Variants in SMLR1 observed in about 807,000 individuals in gnomAD.
SMLR1 encodes small leucine rich protein 1.
SMLR1 carries 3 observed loss-of-function variants against 6.1 expected under a neutral mutation model. The ratio of observed to expected loss-of-function variants is 0.49; its 90% CI spans 0.22 to 1.28. The LOEUF is 1.28. Among genes scored for constraint, SMLR1 ranks in the 50% most tolerant of loss-of-function variants. SMLR1 has a pLI of 0.19. For synonymous variants in SMLR1, 55 were observed against 53.6 expected, an observed-to-expected ratio of 1.03 and a Z score of -0.11; for missense variants, 126 against 124.8, an observed-to-expected ratio of 1.01 and a Z score of -0.05.
chr6:130,831,308 T>C (rs553362749), intron 1 of SMLR1, among the ~76,000 whole-genome samples: 1 of 152,296 alleles, frequency 6.6e-6, no homozygotes, highest in South Asian at 2.1e-4. Flanking sequence ...TTCGGTTGTA[T>C]TTCCCTCCTC....
intron 1 of SMLR1, among the ~76,000 whole-genome samples, chr6:130,830,600 G>C (rs1357625326): frequency 2.0e-5 from 3 of 152,202 alleles, no homozygotes; most frequent in Admixed American, 1.3e-4. Context: ...ATAGGGGCTA[G>C]GTAAAATGAG....
intron 1 of SMLR1, among the ~76,000 whole-genome samples, chr6:130,832,172 T>C (rs2128384651): frequency 6.6e-6 from 1 of 152,184 alleles, no homozygotes; most frequent in East Asian, 1.9e-4. Context: ...TTCCCAAACC[T>C]TTACTTCCAG....
rs765555938 is a variant in SMLR1 at position 130,837,095 on chromosome 6, A to G, written c.*2140A>G. 4.6e-5 allele frequency: 7 copies of G among 152,192 alleles called. No individual in the cohort carries two copies. Among genetic ancestry groups the G allele is most frequent in the Non-Finnish European group, 8.8e-5 (6 of 68,020 alleles). The allele number at this position is 152,192 out of a possible 1,614,324, so 9.4% of individuals were successfully genotyped here. Reference sequence around the variant, plus strand: ...TCACCAATAGGGATAATGTTTCTCCAACTGGAGACCTTCAATAAAACACTT... The same window carrying G: ...TCACCAATAGGGATAATGTTTCTCCGACTGGAGACCTTCAATAAAACACTT... On this transcript the variant is annotated 3_prime_UTR_variant, in exon 2 of 2. Transcript: ENST00000541421.
In SMLR1 at chr6:130,834,973, T is replaced by C. The variant is rs991190897; in HGVS notation, c.*18T>C. ...GGACGTGAAGTTGGGGACTTTCCAA[T>C]AACTAAAGCACAATGAGTTTCTACT... On this transcript the variant is annotated 3_prime_UTR_variant, in exon 2 of 2. Transcript: ENST00000541421. 63 of 1,527,752 alleles carry C rather than the reference T, an allele frequency of 4.1e-5. No homozygotes were observed. Among genetic ancestry groups the C allele is most frequent in the Non-Finnish European group, 4.7e-5 (53 of 1,139,710 alleles). 94.6% of individuals were successfully genotyped at this position (1,527,752 alleles called of 1,614,324 possible). A position where few individuals can be genotyped will look rare whatever the true frequency, so the allele number is the denominator to read the frequency against.
chr6:130,827,795 T>A, intron 1 of SMLR1, 144 bp downstream of exon 1: 2 of 675,908 alleles, frequency 3.0e-6, no homozygotes, highest in Non-Finnish European at 4.9e-6. Context: ...CAGTGTTCTC[T>A]CAAGTTCCTT....
At chr6:130,831,741 T>C (rs531157686) in intron 1 of SMLR1, among the ~76,000 whole-genome samples, 1 of 152,334 alleles carries the variant, frequency 6.6e-6, no homozygotes, top group African/African-American at 2.4e-5. Context: ...GGGACATTGA[T>C]AGATTAACTG....
chr6:130,827,549 A>G lies in SMLR1; in HGVS notation c.136A>G (p.Met46Val), dbSNP rs1234609384. Reference sequence around the variant, plus strand: ...AATGAGCTCTGTGCTGTCAGCTTTCATGAGGGAGCTCCCTGGCTGGTTCCT... The same window carrying G: ...AATGAGCTCTGTGCTGTCAGCTTTCGTGAGGGAGCTCCCTGGCTGGTTCCT... ...LAMSSVLSAF[M>V]RELPGWFLFF... Residue 46 changes from methionine to valine, a missense_variant, in exon 1 of 2, where the codon ATG becomes GTG. By Grantham distance (21) the Met-to-Val change is conservative. Transcript: ENST00000541421. 7.2e-6 allele frequency: 11 copies of G among 1,535,844 alleles called. No individual in the cohort carries two copies. The highest frequency in any genetic ancestry group is 1.2e-5 in the South Asian group (1 of 84,062).
chr6:130,830,458 G>A (rs1443927088), intron 1 of SMLR1, among the ~76,000 whole-genome samples: 1 of 152,092 alleles, frequency 6.6e-6, no homozygotes, highest in Non-Finnish European at 1.5e-5. Context: ...GTTACTTAAC[G>A]CAATGGGGGT....
intron 1 of SMLR1, among the ~76,000 whole-genome samples, chr6:130,830,766 G>A (rs1774417626): frequency 6.6e-6 from 1 of 152,166 alleles, no homozygotes; most frequent in African/African-American, 2.4e-5. Flanking sequence ...AAACCAAGAT[G>A]GTGATGACAG....
intron 1 of SMLR1, among the ~76,000 whole-genome samples, chr6:130,834,147 G>A (rs1313278383): frequency 1.3e-5 from 2 of 152,232 alleles, no homozygotes; most frequent in East Asian, 3.9e-4. Context: ...GATCTCAGAA[G>A]GCATCTCAGG....
intron 1 of SMLR1, among the ~76,000 whole-genome samples, chr6:130,828,726 G>A (rs918996741): frequency 4.6e-5 from 7 of 152,004 alleles, no homozygotes; most frequent in South Asian, 2.1e-4. Context: ...TTCATTTTTC[G>A]TGTGTCTCAT....
chr6:130,833,444 C>T (rs540829018), intron 1 of SMLR1, among the ~76,000 whole-genome samples: 1 of 152,284 alleles, frequency 6.6e-6, no homozygotes, highest in Admixed American at 6.5e-5. Context: ...ACTCATATTT[C>T]AGTGAGTTAA....
In SMLR1 at chr6:130,831,476, C is replaced by G. The variant is rs374864953; in HGVS notation, c.239-3394C>G. On this transcript the variant is annotated intron_variant, in intron 1 of 1. Coordinates refer to ENST00000541421, the MANE Select transcript of SMLR1 (RefSeq NM_001195597.2). ...CTTTCTCCTAAGAAGAAAAGCCACCCAAACTCTAAGAACATGTACCTTTGA... is the reference window on the plus strand; with the variant it reads ...CTTTCTCCTAAGAAGAAAAGCCACCGAAACTCTAAGAACATGTACCTTTGA... 8.1e-4 allele frequency among the ~76,000 whole-genome samples: 123 copies of G among 152,210 alleles called. 4 individuals are homozygous for G. The South Asian group carries it at 0.025, about 31-fold the overall frequency.
intron 1 of SMLR1, among the ~76,000 whole-genome samples, chr6:130,830,051 A>C (rs1774393779): frequency 6.6e-6 from 1 of 152,156 alleles, no homozygotes. Context: ...TTTTACTATG[A>C]GTTTTTAAGA....
In SMLR1 at chr6:130,835,138, A is replaced by G. The variant is rs1217021184; in HGVS notation, c.*183A>G. 4 of 584,902 alleles carry G rather than the reference A, an allele frequency of 6.8e-6. No individual in the cohort carries two copies. The highest frequency in any genetic ancestry group is 1.2e-5 in the Non-Finnish European group (4 of 329,142). The allele number at this position is 584,902 out of a possible 1,614,324, so 36.2% of individuals were successfully genotyped here. A position where few individuals can be genotyped will look rare whatever the true frequency, so the allele number is the denominator to read the frequency against. On this transcript the variant is annotated 3_prime_UTR_variant, in exon 2 of 2. Coordinates refer to ENST00000541421, the MANE Select transcript of SMLR1 (RefSeq NM_001195597.2). ...GCTATTATCTAAGGGGACTTCTCAG[A>G]GACTCAGTATAACAGCAGCTCTTGA... is the stretch of plus-strand genomic sequence containing the variant.
intron 1 of SMLR1, among the ~76,000 whole-genome samples, chr6:130,832,650 A>T (rs1014923722): frequency 6.6e-6 from 1 of 152,200 alleles, no homozygotes; most frequent in Non-Finnish European, 1.5e-5. Flanking sequence ...TCATTATAGC[A>T]TTACAGTAGC....
intron 1 of SMLR1, among the ~76,000 whole-genome samples, chr6:130,831,907 A>G (rs556406804): frequency 1.3e-4 from 20 of 152,216 alleles, no homozygotes; most frequent in Non-Finnish European, 2.2e-4. Context: ...CCCACACTTC[A>G]AGCCTTAGGA....
chr6:130,828,466 A>G (rs1774345876), intron 1 of SMLR1, among the ~76,000 whole-genome samples: 1 of 152,226 alleles, frequency 6.6e-6, no homozygotes, highest in Non-Finnish European at 1.5e-5. Flanking sequence ...ATATTAAAAC[A>G]AATTTGAAAA....
In SMLR1 at chr6:130,827,545, T is replaced by G. The variant is rs746235415; in HGVS notation, c.132T>G (p.Ala44=). 101 of 1,535,884 alleles carry G rather than the reference T, an allele frequency of 6.6e-5. No individual in the cohort carries two copies. Among genetic ancestry groups the G allele is most frequent in the Non-Finnish European group, 8.6e-5 (99 of 1,146,852 alleles). ...VWLAMSSVLS[A]FMRELPGWFL... is the part of the protein sequence containing the mutation. Reference sequence around the variant, plus strand: ...TGGCAATGAGCTCTGTGCTGTCAGCTTTCATGAGGGAGCTCCCTGGCTGGT... The same window carrying G: ...TGGCAATGAGCTCTGTGCTGTCAGCGTTCATGAGGGAGCTCCCTGGCTGGT... Residue 44 remains alanine, a synonymous_variant, in exon 1 of 2, where the codon GCT becomes GCG. Transcript: ENST00000541421.
Sources: gnomAD v4.1 joint callset for allele counts (sites outside exome capture counted in the v4.1 genomes callset) on GRCh38, gnomAD v4.1.1 for gene constraint, MANE v1.5 for transcripts, NCBI Gene and HGNC (gene_info 2026-07-23, HGNC 2026-07-21) for gene names.